The following FRMD5 variants were observed in gnomAD, a reference collection of about 807,000 sequenced individuals.
FRMD5 encodes the protein FERM domain-containing protein 5.
FRMD5 carries 20 observed loss-of-function variants against 69.0 expected under a neutral mutation model. The observed-to-expected ratio is 0.29, with a 90% confidence interval of 0.20 to 0.42. The LOEUF (loss-of-function observed/expected upper bound fraction) is 0.42. FRMD5 is among the 10% of genes least tolerant of loss of function. The pLI, the probability that FRMD5 is intolerant of heterozygous loss-of-function variation, is 1.00. For synonymous variants in FRMD5, 271 were observed against 260.1 expected (o/e 1.04, Z -0.40); for missense variants, 595 against 708.6 (o/e 0.84, Z 1.82).
chr15:43,894,893 C>T (rs1051883652), intron 7 of FRMD5, among the ~76,000 whole-genome samples: 3 of 152,138 alleles, frequency 2.0e-5, no homozygotes, highest in African/African-American at 7.2e-5. Flanking sequence ...GAGGGTTGAT[C>T]GTGTTACCTA....
chr15:43,878,178 T>G (rs911998850), intron 13 of FRMD5, among the ~76,000 whole-genome samples: 2 of 152,076 alleles, frequency 1.3e-5, no homozygotes, highest in African/African-American at 4.8e-5. Flanking sequence ...AATTTTCGTA[T>G]TTTTTGTAGA....
At chr15:44,186,077 G>A (rs1041846239) in intron 1 of FRMD5, among the ~76,000 whole-genome samples, 23 of 152,106 alleles carry the variant, frequency 1.5e-4, no homozygotes, top group Admixed American at 2.0e-4. Context: ...ACAGGCATGC[G>A]TCACCACACC....
chr15:44,018,647 A>G (rs888183293), intron 1 of FRMD5, among the ~76,000 whole-genome samples: 2 of 152,170 alleles, frequency 1.3e-5, no homozygotes, highest in Non-Finnish European at 2.9e-5. Context: ...GGAGTGAGAC[A>G]AAGTGTACAG....
At chr15:44,180,454 T>G (rs2077978089) in intron 1 of FRMD5, among the ~76,000 whole-genome samples, 1 of 152,104 alleles carries the variant, frequency 6.6e-6, no homozygotes, top group Non-Finnish European at 1.5e-5. Context: ...GAAATATTAT[T>G]TTTAAAGGAA....
At chr15:43,928,713 C>T (rs542060457) in intron 1 of FRMD5, among the ~76,000 whole-genome samples, 2 of 152,360 alleles carry the variant, frequency 1.3e-5, no homozygotes, top group Admixed American at 6.5e-5. Context: ...ATGGCAAAGC[C>T]GTCTTCCCTT....
intron 13 of FRMD5, among the ~76,000 whole-genome samples, chr15:43,875,649 T>C (rs1480270197): frequency 6.7e-6 from 1 of 149,792 alleles, no homozygotes; most frequent in Non-Finnish European, 1.5e-5. Flanking sequence ...AGCTAATTTT[T>C]TTATTTTGAG....
chr15:43,952,208 C>T (rs371029459), intron 1 of FRMD5, among the ~76,000 whole-genome samples: 5 of 152,102 alleles, frequency 3.3e-5, no homozygotes, highest in East Asian at 3.9e-4. Flanking sequence ...TTCTGTCATG[C>T]CCCACATAAG....
chr15:43,919,087 A>T (rs551142222), intron 4 of FRMD5: 1 of 359,452 alleles, frequency 2.8e-6, no homozygotes, highest in Non-Finnish European at 5.6e-6. Flanking sequence ...TATCCATTAG[A>T]CCACTTGAAT....
intron 7 of FRMD5, among the ~76,000 whole-genome samples, chr15:43,896,980 AGAG>A (rs1198310270): frequency 1.3e-5 from 2 of 152,148 alleles, no homozygotes; most frequent in East Asian, 1.9e-4. Context: ...ATGGAAATGA[AGAG>A]GAGAAGGAGG....
At chr15:43,912,397 G>A (rs145849758) in intron 4 of FRMD5, among the ~76,000 whole-genome samples, 4 of 152,174 alleles carry the variant, frequency 2.6e-5, no homozygotes, top group East Asian at 1.9e-4. Context: ...AATGCCACAC[G>A]GTGTGTGGGA....
intron 1 of FRMD5, among the ~76,000 whole-genome samples, chr15:44,072,937 C>G (rs551003378): frequency 6.6e-6 from 1 of 152,284 alleles, no homozygotes; most frequent in East Asian, 1.9e-4. Flanking sequence ...CAAGACCAAC[C>G]TGGGCAACAT....
chr15:44,096,399 G>C (rs1017703533), intron 1 of FRMD5, among the ~76,000 whole-genome samples: 1 of 147,018 alleles, frequency 6.8e-6, no homozygotes, highest in African/African-American at 2.5e-5. Flanking sequence ...CTAGTACGGT[G>C]TATCTTTTTT....
rs898164051 is a variant in FRMD5 at position 43,919,042 on chromosome 15, T to A, written c.329+417A>T. 8 of 304,804 alleles carry A rather than the reference T, an allele frequency of 2.6e-5. No individual in the cohort carries two copies. The Admixed American group carries it at 3.1e-4, about 12-fold the overall frequency. The allele number at this position is 304,804 out of a possible 1,614,324, so 18.9% of individuals were successfully genotyped here. On this transcript the variant is annotated intron_variant, in intron 4 of 13. Coordinates refer to ENST00000417257, the MANE Select transcript of FRMD5 (RefSeq NM_032892.5). ...TAAATCTTCAGTATCTCCCAGCTTA[T>A]CTTTCAGTGTTATGCCTTTGGCATT...
At chr15:44,038,827 A>ATT (rs1455071957) in intron 1 of FRMD5, among the ~76,000 whole-genome samples, 2 of 152,020 alleles carry the variant, frequency 1.3e-5, no homozygotes, top group Non-Finnish European at 2.9e-5. Flanking sequence ...TGCGGCCCAG[A>ATT]TATTGCACTT....
intron 1 of FRMD5, among the ~76,000 whole-genome samples, chr15:44,125,361 T>C (rs2077011973): frequency 6.6e-6 from 1 of 152,182 alleles, no homozygotes; most frequent in Non-Finnish European, 1.5e-5. Flanking sequence ...TCTTTCATTC[T>C]ATCAGAGAAG....
chr15:44,006,638 G>T (rs1033870592), intron 1 of FRMD5, among the ~76,000 whole-genome samples: 1 of 152,168 alleles, frequency 6.6e-6, no homozygotes, highest in African/African-American at 2.4e-5. Context: ...ACAGGAGTTT[G>T]GAAAAAGTTG....
intron 1 of FRMD5, among the ~76,000 whole-genome samples, chr15:44,088,341 CT>C (rs1292349759): frequency 3.3e-5 from 5 of 152,244 alleles, no homozygotes; most frequent in African/African-American, 7.2e-5. Flanking sequence ...TAAGCAACCC[CT>C]AATCTACTTT....
chr15:43,987,202 C>T (rs745969347), intron 1 of FRMD5, among the ~76,000 whole-genome samples: 21 of 152,278 alleles, frequency 1.4e-4, no homozygotes, highest in Non-Finnish European at 2.9e-4. Flanking sequence ...AAGGAAGAGT[C>T]ACATGTCTCT....
intron 1 of FRMD5, among the ~76,000 whole-genome samples, chr15:44,142,587 G>A (rs1323137654): frequency 6.6e-6 from 1 of 152,094 alleles, no homozygotes; most frequent in Admixed American, 6.5e-5. Flanking sequence ...TCCACAATAT[G>A]CAGGCCAGAA....
Sources: allele counts gnomAD v4.1 joint callset (sites outside exome capture counted in the v4.1 genomes callset), GRCh38; gene constraint gnomAD v4.1.1; transcripts MANE v1.5; gene names NCBI Gene and HGNC (gene_info 2026-07-23, HGNC 2026-07-21).